FRMD4B: variants seen among roughly 807,000 people sequenced by gnomAD.
The protein encoded by FRMD4B is FERM domain containing 4B, also known as FERM domain-containing protein 4B.
A neutral mutation model predicts 141.5 loss-of-function variants in FRMD4B; 74 were observed. The ratio of observed to expected loss-of-function variants is 0.52; its 90% CI spans 0.43 to 0.63. The LOEUF (loss-of-function observed/expected upper bound fraction) is 0.63. Ranked by LOEUF, FRMD4B falls within the 30% of genes least tolerant of loss-of-function variation. The pLI is 0.00. For missense variants in FRMD4B, 1,366 were observed against 1,253.4 expected (o/e 1.09, Z -1.36); for synonymous variants, 506 against 467.9 (o/e 1.08, Z -1.05).
At chr3:69,496,406 T>A (rs568270623) in intron 1 of FRMD4B, among the ~76,000 whole-genome samples, 1 of 152,218 alleles carries the variant, frequency 6.6e-6, no homozygotes, top group Admixed American at 6.5e-5. Flanking sequence ...TCTGGCCATA[T>A]TGATTGATTT....
intron 7 of FRMD4B, among the ~76,000 whole-genome samples, chr3:69,232,573 C>T (rs1575638037): frequency 6.6e-6 from 1 of 152,134 alleles, no homozygotes; most frequent in Admixed American, 6.5e-5. Flanking sequence ...ACGGAATGTG[C>T]CAACCCCACT....
At chr3:69,200,984 C>G in intron 11 of FRMD4B, 1 of 371,910 alleles carries the variant, frequency 2.7e-6, no homozygotes, top group Non-Finnish European at 5.4e-6. Context: ...GCTTTGGACT[C>G]CATTCAGCCT....
chr3:69,212,262 AG>A (rs2093089469), intron 11 of FRMD4B, among the ~76,000 whole-genome samples: 1 of 143,410 alleles, frequency 7.0e-6, no homozygotes, highest in African/African-American at 2.5e-5. Context: ...CGGGAGGCTG[AG>A]GTAGGAGAAT....
In FRMD4B at chr3:69,508,260, G is replaced by A. The variant is rs79746659; in HGVS notation, c.-129+33946C>T. ...AATAAAAACTTTTATTTTATTAAAC[G>A]AGGTTAATATCTAGTTGGAATTCAA... On this transcript the variant is annotated intron_variant, in intron 1 of 5. Coordinates refer to the FRMD4B transcript ENST00000459638. Among the ~76,000 whole-genome samples, 1,050 of 152,124 alleles carry A rather than the reference G, an allele frequency of 6.9e-3. 18 individuals are homozygous for A. The highest frequency in any genetic ancestry group is 0.024 in the African/African-American group (988 of 41,484).
rs371442178 is a variant in FRMD4B at position 69,181,243 on chromosome 3, T to A, written c.2507A>T (p.Asn836Ile). Residue 836 changes from asparagine (N) to isoleucine (I), a missense_variant, in exon 21 of 23, where the codon AAC becomes ATC. Coordinates refer to ENST00000398540, the MANE Select transcript of FRMD4B (RefSeq NM_015123.3). The part of the protein sequence containing the change: ...ENDTEGQYSV[N>I]PSYRSSAHYG... Reference sequence around the variant, plus strand: ...GTGGGCTGAGGACCGGTAGGAAGGGTTGACACTATACTGTCCCTCGGTGTC... The same window carrying A: ...GTGGGCTGAGGACCGGTAGGAAGGGATGACACTATACTGTCCCTCGGTGTC... The A allele has an allele frequency of 6.2e-7, 1 of 1,613,394 alleles. No individual in the cohort carries two copies. Among genetic ancestry groups the A allele is most frequent in the Non-Finnish European group, 8.5e-7 (1 of 1,179,564 alleles).
intron 2 of FRMD4B, among the ~76,000 whole-genome samples, chr3:69,399,527 T>C (rs1234519830): frequency 6.6e-6 from 1 of 152,212 alleles, no homozygotes; most frequent in Non-Finnish European, 1.5e-5. Context: ...ACTGTAAGGA[T>C]TGCTCTGTCA....
rs989154714 is a variant in FRMD4B, at chr3:69,304,498, A to C, written c.324-2063T>G. ...GATTCTATCTCAAAAAAAAAAAAAA[A>C]AAAAAAACAGTACAGGGCTGAATAC... On this transcript the variant is annotated intron_variant, in intron 3 of 22. Coordinates refer to ENST00000398540, the MANE Select transcript of FRMD4B (RefSeq NM_015123.3). Among the ~76,000 whole-genome samples, 7 of 151,872 alleles carry C rather than the reference A, an allele frequency of 4.6e-5. No homozygotes were observed. In the South Asian group the frequency reaches 1.0e-3, roughly 23 times the overall value.
chr3:69,513,530 TA>T (rs1262847422), intron 1 of FRMD4B, among the ~76,000 whole-genome samples: 1 of 151,996 alleles, frequency 6.6e-6, no homozygotes, highest in Non-Finnish European at 1.5e-5. Context: ...TGAAGAACAG[TA>T]AACACATCCA....
At chr3:69,176,383 A>G in intron 22 of FRMD4B, 141 bp downstream of exon 22, 1 of 685,518 alleles carries the variant, frequency 1.5e-6, no homozygotes, top group Non-Finnish European at 2.6e-6. Flanking sequence ...TTATTTACCA[A>G]AACAGATGGC....
At chr3:69,376,818 A>T (rs1703983604) in intron 1 of FRMD4B, 1 of 152,180 alleles carries the variant, frequency 6.6e-6, no homozygotes, top group African/African-American at 2.4e-5. Flanking sequence ...AGAACTGCAG[A>T]TCTGATTCCT....
At chr3:69,318,260 C>T (rs927942579) in intron 1 of FRMD4B, among the ~76,000 whole-genome samples, 3 of 152,112 alleles carry the variant, frequency 2.0e-5, no homozygotes, top group South Asian at 2.1e-4. Context: ...TAGATGTGAG[C>T]GATAGTACCC....
chr3:69,195,392 G>C (rs1486374585), intron 14 of FRMD4B, 28 bp from the exon 15 acceptor site: 4 of 1,576,810 alleles, frequency 2.5e-6, no homozygotes. Flanking sequence ...GGCAGGGAAG[G>C]TTTATACAAG....
rs371096871 is a variant in FRMD4B, at chr3:69,169,644, G to A, written c.*2217C>T. ...AGTGCTGGGATTACAGGTGTGAGCC[G>A]CTATGCCTGGCCCTGAGCTTCCATT... On this transcript the variant is annotated 3_prime_UTR_variant, in exon 23 of 23. Coordinates refer to ENST00000398540, the MANE Select transcript of FRMD4B (RefSeq NM_015123.3). Among the ~76,000 whole-genome samples the A allele has an allele frequency of 2.6e-4, 39 of 152,062 alleles. No homozygotes were observed. The East Asian group carries it at 7.2e-3, about 28-fold the overall frequency.
chr3:69,336,300 G>A (rs1298428985), intron 1 of FRMD4B, among the ~76,000 whole-genome samples: 2 of 152,186 alleles, frequency 1.3e-5, no homozygotes, highest in African/African-American at 4.8e-5. Flanking sequence ...ATAGAGAGTG[G>A]CACCCGGCAA....
At chr3:69,226,653 C>CAGTTAATT (rs2093257348) in intron 7 of FRMD4B, among the ~76,000 whole-genome samples, 1 of 152,090 alleles carries the variant, frequency 6.6e-6, no homozygotes, top group African/African-American at 2.4e-5. Context: ...ACTTGGATTA[C>CAGTTAATT]AGTTAATTCT....
chr3:69,460,305 C>T (rs771327211), intron 1 of FRMD4B, among the ~76,000 whole-genome samples: 3 of 152,156 alleles, frequency 2.0e-5, no homozygotes, highest in Non-Finnish European at 2.9e-5. Flanking sequence ...TCTGCTGAGC[C>T]CCACAATGGT....
rs2092953376 is a variant in FRMD4B, at chr3:69,200,328, C to G, written c.877-1554G>C. 4.3e-6 allele frequency: 3 copies of G among 696,580 alleles called. No homozygotes were observed. In the South Asian group the frequency reaches 1.9e-4, roughly 43 times the overall value. The allele number at this position is 696,580 out of a possible 1,614,324, so 43.1% of individuals were successfully genotyped here. A position where few individuals can be genotyped will look rare whatever the true frequency, so the allele number is the denominator to read the frequency against. ...TAGCTGTCTGTAACTATAACACTCACTCAGGTTCACAGAAGAATTAATAAA... is the reference window on the plus strand; with the variant it reads ...TAGCTGTCTGTAACTATAACACTCAGTCAGGTTCACAGAAGAATTAATAAA... On this transcript the variant is annotated intron_variant, in intron 11 of 22. Coordinates refer to ENST00000398540, the MANE Select transcript of FRMD4B (RefSeq NM_015123.3).
intron 7 of FRMD4B, among the ~76,000 whole-genome samples, chr3:69,228,781 T>TTA (rs2107775279): frequency 6.6e-6 from 1 of 151,646 alleles, no homozygotes; most frequent in Admixed American, 6.6e-5. Flanking sequence ...CTCTAGTGAG[T>TTA]TATGATTGCA....
At chr3:69,517,533 C>A (rs1053267132) in intron 1 of FRMD4B, among the ~76,000 whole-genome samples, 2 of 152,158 alleles carry the variant, frequency 1.3e-5, no homozygotes, top group African/African-American at 4.8e-5. Flanking sequence ...AAGTCTCATC[C>A]TTAAGATATT....
Sources: allele counts gnomAD v4.1 joint callset (sites outside exome capture counted in the v4.1 genomes callset), GRCh38; gene constraint gnomAD v4.1.1; transcripts MANE v1.5; gene names NCBI Gene and HGNC (gene_info 2026-07-23, HGNC 2026-07-21).